Variants in SHROOM4 observed in about 807,000 individuals in gnomAD.
SHROOM4 encodes protein Shroom4.
SHROOM4 carries 17 observed loss-of-function variants against 80.3 expected under a neutral mutation model. That is an observed-to-expected ratio of 0.21 (90% CI 0.14 to 0.32). SHROOM4 has a LOEUF of 0.32. Among genes scored for constraint, SHROOM4 ranks in the 10% least tolerant of loss-of-function variants. The pLI is 1.00. For missense variants in SHROOM4, 993 were observed against 1,140.3 expected (o/e 0.87, Z 1.86); for synonymous variants, 400 against 437.5 (o/e 0.91, Z 1.07).
At chrX:50,680,273 A>AT (rs1356089639) in intron 2 of SHROOM4, among the ~76,000 whole-genome samples, 1 of 112,122 alleles carries the variant, frequency 8.9e-6, no homozygotes, top group Non-Finnish European at 1.9e-5. Flanking sequence ...AGGTAACTTT[A>AT]TTTTATCAAG....
At chrX:50,684,131 A>G (rs1933004004) in intron 2 of SHROOM4, among the ~76,000 whole-genome samples, 1 of 112,029 alleles carries the variant, frequency 8.9e-6, no homozygotes, top group Admixed American at 9.4e-5. Flanking sequence ...TTTGAATGCA[A>G]CCCTGTTTGG....
At position 50,694,543 on chromosome X, in the gene SHROOM4, A is replaced by ATTTTTTTTTTTTTTTTTTTT. The variant is rs782530547; in HGVS notation, c.269+1223_269+1242dup. ...AGGTCTTTGCCCATTTTTAAGTTGGATTTTTTTTTTTTTTTTTTTTTTTTT... is the reference window on the plus strand; with the variant it reads ...AGGTCTTTGCCCATTTTTAAGTTGGATTTTTTTTTTTTTTTTTTTTTTTTTTTTTTTTTTTTTTTTTTTTT... On this transcript the variant is annotated intron_variant, in intron 2 of 8. Coordinates refer to ENST00000376020, the MANE Select transcript of SHROOM4 (RefSeq NM_020717.5). Among the ~76,000 whole-genome samples, 13 of 12,494 alleles carry ATTTTTTTTTTTTTTTTTTTT rather than the reference A, an allele frequency of 1.0e-3. 2 individuals are homozygous for ATTTTTTTTTTTTTTTTTTTT. Among genetic ancestry groups the ATTTTTTTTTTTTTTTTTTTT allele is most frequent in the Non-Finnish European group, 1.3e-3 (10 of 7,949 alleles). 10.8% of individuals were successfully genotyped at this position (12,494 alleles called of 115,157 possible).
At chrX:50,751,059 A>G (rs184736102) in intron 1 of SHROOM4, among the ~76,000 whole-genome samples, 23 of 112,605 alleles carry the variant, frequency 2.0e-4, no homozygotes, top group African/African-American at 6.8e-4. Context: ...ACATACATAT[A>G]GAAAATGCAT....
intron 1 of SHROOM4, among the ~76,000 whole-genome samples, chrX:50,806,646 T>C (rs1301529446): frequency 8.9e-6 from 1 of 112,398 alleles, no homozygotes; most frequent in Admixed American, 9.4e-5. Context: ...TTTGGCTCCA[T>C]GGAAGCTGAG....
At chrX:50,739,366 A>C (rs1158164317) in intron 1 of SHROOM4, among the ~76,000 whole-genome samples, 10 of 111,681 alleles carry the variant, frequency 9.0e-5, no homozygotes, top group Non-Finnish European at 1.9e-4. Flanking sequence ...CTGCACAGCA[A>C]AAGAAACTAC....
rs1929077807 is a variant in SHROOM4, at chrX:50,595,673, A to C, written c.*1022T>G. ...GACATCGGTAGCTATGGTGGGAACA[A>C]TTCAACGCCTTGGCACTTGCTTACC... On this transcript the variant is annotated 3_prime_UTR_variant, in exon 9 of 9. Transcript: ENST00000376020. 3.8e-6 allele frequency: 1 copy of C among 265,069 alleles called. No homozygotes were observed. The highest frequency in any genetic ancestry group is 3.7e-5 in the South Asian group (1 of 26,875). 21.8% of individuals were successfully genotyped at this position (265,069 alleles called of 1,213,427 possible).
Position 50,659,277 on chromosome X carries a change from C to A in SHROOM4, c.270-20969G>T, listed in dbSNP as rs1557259764. On this transcript the variant is annotated intron_variant, in intron 2 of 8. Transcript: ENST00000376020. ...TGGCATTTTGTAGGGAGAAAAGATG[C>A]AGGTGGATCAGAGAGGAAATGAACA... Among the ~76,000 whole-genome samples the A allele has an allele frequency of 2.5e-4, 28 of 111,428 alleles. 1 individual carries two copies. The highest frequency in any genetic ancestry group is 3.8e-5 in the Non-Finnish European group (2 of 53,093).
chrX:50,625,648 C>G (rs1031001683), intron 5 of SHROOM4, among the ~76,000 whole-genome samples: 21 of 111,554 alleles, frequency 1.9e-4, no homozygotes, highest in African/African-American at 6.8e-4. Context: ...CCATTTCTAT[C>G]GCACCTCTAC....
At chrX:50,620,640 C>T (rs1828128016) in intron 5 of SHROOM4, among the ~76,000 whole-genome samples, 1 of 111,977 alleles carries the variant, frequency 8.9e-6, no homozygotes, top group Middle Eastern at 4.7e-3. Context: ...CACGTTTCCT[C>T]ACAGCCTTGC....
intron 2 of SHROOM4, among the ~76,000 whole-genome samples, chrX:50,663,036 G>C (rs995738707): frequency 9.0e-5 from 10 of 111,074 alleles, no homozygotes; most frequent in Non-Finnish European, 1.7e-4. Context: ...AGGATGAAGA[G>C]ACCACCTGCA....
chrX:50,653,055 T>G (rs1436785802), intron 2 of SHROOM4, among the ~76,000 whole-genome samples: 1 of 111,847 alleles, frequency 8.9e-6, no homozygotes, highest in Non-Finnish European at 1.9e-5. Context: ...TCCAGGCTCT[T>G]TTTTTGGTTC....
chrX:50,637,044 C>T (rs1039593078), intron 3 of SHROOM4, among the ~76,000 whole-genome samples: 20 of 111,224 alleles, frequency 1.8e-4, no homozygotes, highest in African/African-American at 6.2e-4. Context: ...AATATAGGGG[C>T]CTCTGCCCAC....
chrX:50,706,087 C>T (rs1933668378), intron 1 of SHROOM4, among the ~76,000 whole-genome samples: 1 of 109,470 alleles, frequency 9.1e-6, no homozygotes, highest in Admixed American at 9.8e-5. Context: ...ATCCCTATCT[C>T]AAGATCTTTG....
At chrX:50,647,061 C>T (rs1327757798) in intron 2 of SHROOM4, among the ~76,000 whole-genome samples, 4 of 111,692 alleles carry the variant, frequency 3.6e-5, no homozygotes, top group South Asian at 7.6e-4. Flanking sequence ...ACAGATGACT[C>T]GGGAAAGCTC....
Position 50,734,909 on chromosome X carries a change from G to A in SHROOM4, c.118-38972C>T, listed in dbSNP as rs556061890. Among the ~76,000 whole-genome samples the A allele has an allele frequency of 3.4e-3, 368 of 108,123 alleles. 1 individual carries two copies. Among genetic ancestry groups the A allele is most frequent in the Non-Finnish European group, 5.4e-3 (282 of 52,197 alleles). 93.9% of individuals were successfully genotyped at this position (108,123 alleles called of 115,157 possible). On this transcript the variant is annotated intron_variant, in intron 1 of 8. Transcript: ENST00000376020. ...TCATTCTCTCTTGCCCACCCCCGCC[G>A]CCAGGTAAGGAGTCCCTTTGCTCTT...
In SHROOM4 at chrX:50,723,314, G is replaced by A. The variant is rs1424766048; in HGVS notation, c.118-27377C>T. Among the ~76,000 whole-genome samples, 3 of 70,755 alleles carry A rather than the reference G, an allele frequency of 4.2e-5. No individual in the cohort carries two copies. The South Asian group carries it at 3.7e-3, about 87-fold the overall frequency. 61.4% of individuals were successfully genotyped at this position (70,755 alleles called of 115,157 possible). On this transcript the variant is annotated intron_variant, in intron 1 of 8. Coordinates refer to ENST00000376020, the MANE Select transcript of SHROOM4 (RefSeq NM_020717.5). ...GCTCTATTTCAGAAATGTGGTGGGGGGAGGGGGGGAGGGAGGGGGAGGAGG... is the reference window on the plus strand; with the variant it reads ...GCTCTATTTCAGAAATGTGGTGGGGAGAGGGGGGGAGGGAGGGGGAGGAGG...
intron 1 of SHROOM4, among the ~76,000 whole-genome samples, chrX:50,740,208 G>T (rs1233715892): frequency 1.0e-5 from 1 of 96,722 alleles, no homozygotes; most frequent in Non-Finnish European, 2.1e-5. Context: ...GGGAGGGATA[G>T]CATTAGGAGA....
chrX:50,583,469 G>A (rs1928700095), downstream of SHROOM4, among the ~76,000 whole-genome samples: 1 of 111,350 alleles, frequency 9.0e-6, no homozygotes, highest in Admixed American at 9.6e-5. Context: ...CTAAATGATA[G>A]AATATGGCAA....
In SHROOM4 at chrX:50,759,074, T is replaced by C. The variant is rs185891404; in HGVS notation, c.117+54828A>G. The stretch of plus-strand genomic sequence containing the variant: ...TGTCAATATATTTTGTTGATTGTTA[T>C]GGGATGAACTGTCCATCCAAACTTC... On this transcript the variant is annotated intron_variant, in intron 1 of 8. Transcript: ENST00000376020. Among the ~76,000 whole-genome samples, 503 of 111,683 alleles carry C rather than the reference T, an allele frequency of 4.5e-3. 4 individuals carry two copies. The highest frequency in any genetic ancestry group is 0.015 in the African/African-American group (469 of 30,868).
Sources: allele counts gnomAD v4.1 joint callset (sites outside exome capture counted in the v4.1 genomes callset), GRCh38; gene constraint gnomAD v4.1.1; transcripts MANE v1.5; gene names NCBI Gene and HGNC (gene_info 2026-07-23, HGNC 2026-07-21).